The following NARS2 variants were observed in gnomAD, a reference collection of about 807,000 sequenced individuals.
NARS2 encodes asparaginyl-tRNA synthetase.
A neutral mutation model predicts 62.9 loss-of-function variants in NARS2; 60 were observed. The observed-to-expected ratio is 0.95, with a 90% CI of 0.77 to 1.18. The LOEUF is 1.18. Ranked by LOEUF, NARS2 falls within the 50% of genes most tolerant of loss-of-function variation. The probability of loss-of-function intolerance (pLI) is 0.00; values close to 1 mark genes in which losing one functional copy is unlikely to be tolerated. For synonymous variants in NARS2, 196 were observed against 200.0 expected (o/e 0.98, Z 0.17); for missense variants, 619 against 576.4 (o/e 1.07, Z -0.76).
At chr11:78,463,633 C>G (rs1324610520) in intron 11 of NARS2, among the ~76,000 whole-genome samples, 1 of 136,742 alleles carries the variant, frequency 7.3e-6, no homozygotes, top group Non-Finnish European at 1.5e-5. Context: ...TTGCAGTGAG[C>G]TGAGATCACG....
At chr11:78,524,906 C>T (rs899811401) in intron 6 of NARS2, among the ~76,000 whole-genome samples, 2 of 152,064 alleles carry the variant, frequency 1.3e-5, no homozygotes, top group African/African-American at 4.8e-5. Context: ...AGATGTCTTT[C>T]AACAGGTGAA....
At chr11:78,487,682 G>GA (rs1859639772) in intron 7 of NARS2, among the ~76,000 whole-genome samples, 1 of 151,700 alleles carries the variant, frequency 6.6e-6, no homozygotes, top group Admixed American at 6.6e-5. Flanking sequence ...CAAAGACAAA[G>GA]AAAAAAATCT....
At chr11:78,461,675 A>C (rs1372199964) in intron 11 of NARS2, among the ~76,000 whole-genome samples, 1 of 150,950 alleles carries the variant, frequency 6.6e-6, no homozygotes, top group Non-Finnish European at 1.5e-5. Flanking sequence ...TTAGGAAAGC[A>C]AACTTTCATG....
intron 5 of NARS2, among the ~76,000 whole-genome samples, chr11:78,534,303 T>C (rs926569809): frequency 1.3e-5 from 2 of 152,180 alleles, no homozygotes; most frequent in East Asian, 1.9e-4. Context: ...GTCAGTGTTA[T>C]GGATGTTGGC....
intron 6 of NARS2, among the ~76,000 whole-genome samples, chr11:78,506,381 T>A (rs1860499130): frequency 6.6e-6 from 1 of 152,240 alleles, no homozygotes; most frequent in African/African-American, 2.4e-5. Context: ...GCATGAATTT[T>A]CAGAGAGCTT....
At chr11:78,564,961 AG>A (rs1856694518) in intron 4 of NARS2, among the ~76,000 whole-genome samples, 1 of 152,228 alleles carries the variant, frequency 6.6e-6, no homozygotes, top group South Asian at 2.1e-4. Context: ...ATACAGCCCA[AG>A]GGAAGTCTAT....
At chr11:78,455,883 T>A (rs1858143862) in intron 11 of NARS2, among the ~76,000 whole-genome samples, 1 of 151,508 alleles carries the variant, frequency 6.6e-6, no homozygotes, top group African/African-American at 2.4e-5. Flanking sequence ...CGGCACATAC[T>A]CGATAAACAT....
intron 5 of NARS2, among the ~76,000 whole-genome samples, chr11:78,550,094 A>T (rs536704495): frequency 6.6e-6 from 1 of 152,298 alleles, no homozygotes; most frequent in South Asian, 2.1e-4. Flanking sequence ...GCAGTAATGG[A>T]GTCACTCACA....
intron 13 of NARS2, among the ~76,000 whole-genome samples, chr11:78,440,834 A>G (rs184641477): frequency 2.0e-5 from 3 of 152,238 alleles, no homozygotes; most frequent in African/African-American, 7.2e-5. Flanking sequence ...CGCCCAGCCA[A>G]TATACATAAA....
At chr11:78,444,677 C>T (rs1857689468) in intron 11 of NARS2, among the ~76,000 whole-genome samples, 1 of 144,998 alleles carries the variant, frequency 6.9e-6, no homozygotes, top group Non-Finnish European at 1.5e-5. Context: ...CAAGATTGCA[C>T]CACTGCATTC....
chr11:78,505,836 G>A (rs1220285067), intron 6 of NARS2, among the ~76,000 whole-genome samples: 2 of 152,010 alleles, frequency 1.3e-5, no homozygotes, highest in Non-Finnish European at 2.9e-5. Flanking sequence ...AGAAATTCAT[G>A]AACCACATAA....
chr11:78,454,624 G>GT (rs34684093), intron 11 of NARS2, among the ~76,000 whole-genome samples: 8,153 of 141,588 alleles, frequency 0.058, 662 homozygotes, highest in African/African-American at 0.19. Flanking sequence ...AGTCTCAGGT[G>GT]TTTTTTTTTT....
At chr11:78,524,554 T>C (rs1458589102) in intron 6 of NARS2, among the ~76,000 whole-genome samples, 1 of 152,104 alleles carries the variant, frequency 6.6e-6, no homozygotes, top group Non-Finnish European at 1.5e-5. Flanking sequence ...TGATGAGAAA[T>C]GGAATACTTC....
intron 5 of NARS2, among the ~76,000 whole-genome samples, chr11:78,549,410 A>G (rs1037283200): frequency 6.6e-6 from 1 of 152,228 alleles, no homozygotes; most frequent in African/African-American, 2.4e-5. Context: ...CTTTACCCAA[A>G]GGAACTGACT....
At chr11:78,530,519 G>A (rs1308816352) in intron 5 of NARS2, among the ~76,000 whole-genome samples, 1 of 152,124 alleles carries the variant, frequency 6.6e-6, no homozygotes, top group South Asian at 2.1e-4. Context: ...TGTCGCCCAG[G>A]CTGAAGTGCA....
intron 6 of NARS2, among the ~76,000 whole-genome samples, chr11:78,524,699 T>A (rs1333926684): frequency 1.3e-5 from 2 of 151,902 alleles, no homozygotes; most frequent in African/African-American, 2.4e-5. Flanking sequence ...AAAAAAAAAC[T>A]CTGTCTACTG....
intron 11 of NARS2, 31 bp from the exon 12 acceptor site, chr11:78,443,789 T>G: frequency 6.7e-7 from 1 of 1,492,354 alleles, no homozygotes; most frequent in South Asian, 1.1e-5. Flanking sequence ...ATTAGCATTA[T>G]ATTTTCAGGT....
chr11:78,474,461 T>C (rs1037966403), intron 9 of NARS2, among the ~76,000 whole-genome samples: 1 of 152,234 alleles, frequency 6.6e-6, no homozygotes, highest in Non-Finnish European at 1.5e-5. Context: ...AATAATAATT[T>C]ACTCATTAAT....
At chr11:78,497,268 A>G (rs1206996161) in intron 6 of NARS2, among the ~76,000 whole-genome samples, 5 of 146,920 alleles carry the variant, frequency 3.4e-5, no homozygotes, top group African/African-American at 1.3e-4. Flanking sequence ...AAAAGGTTCT[A>G]CAAAGTTCAC....
Sources: allele counts gnomAD v4.1 joint callset (sites outside exome capture counted in the v4.1 genomes callset), GRCh38; gene constraint gnomAD v4.1.1; transcripts MANE v1.5; gene names NCBI Gene and HGNC (gene_info 2026-07-23, HGNC 2026-07-21).